TAFA4: variants seen among roughly 807,000 people sequenced by gnomAD.
TAFA4 encodes chemokine-like protein TAFA-4.
TAFA4 carries 20 observed loss-of-function variants against 21.1 expected under a neutral mutation model. The observed-to-expected ratio is 0.95, with a 90% CI of 0.67 to 1.38. The LOEUF is 1.38. TAFA4 is among the 40% of genes most tolerant of loss of function. The pLI is 0.00. For missense variants in TAFA4, 211 were observed against 180.9 expected, an observed-to-expected ratio of 1.17 and a Z score of -0.95; for synonymous variants, 71 against 67.4, an observed-to-expected ratio of 1.05 and a Z score of -0.26.
At chr3:68,928,863 T>C (rs796941017) in intron 1 of TAFA4, among the ~76,000 whole-genome samples, 5 of 152,106 alleles carry the variant, frequency 3.3e-5, no homozygotes, top group African/African-American at 9.6e-5. Context: ...AATAACATAA[T>C]AGATCCAAGG....
intron 3 of TAFA4, among the ~76,000 whole-genome samples, chr3:68,772,917 T>C (rs942063004): frequency 6.6e-6 from 1 of 152,234 alleles, no homozygotes; most frequent in African/African-American, 2.4e-5. Flanking sequence ...GAACTCTGAA[T>C]AACACTGCAT....
At chr3:68,740,887 C>CTTTATTGAAGAGACTATCCTTT (rs1702336069) in intron 4 of TAFA4, among the ~76,000 whole-genome samples, 1 of 152,186 alleles carries the variant, frequency 6.6e-6, no homozygotes, top group South Asian at 2.1e-4. Context: ...TCCCAGCACC[C>CTTTATTGAAGAGACTATCCTTT]TTTATTGAAG....
intron 1 of TAFA4, chr3:68,916,063 A>G (rs2090001958): frequency 6.6e-6 from 1 of 152,220 alleles, no homozygotes; most frequent in African/African-American, 2.4e-5. Flanking sequence ...TAGGGTAAAT[A>G]CCTTACAATT....
chr3:68,815,252 G>A (rs1197123719), intron 3 of TAFA4, among the ~76,000 whole-genome samples: 1 of 152,126 alleles, frequency 6.6e-6, no homozygotes, highest in African/African-American at 2.4e-5. Context: ...ACATAGGCAT[G>A]GGCAAGGACT....
intron 3 of TAFA4, among the ~76,000 whole-genome samples, chr3:68,827,901 C>T (rs1172576079): frequency 6.6e-6 from 1 of 152,180 alleles, no homozygotes; most frequent in Non-Finnish European, 1.5e-5. Context: ...TCCCATTTGT[C>T]AAGTTTGGCT....
intron 3 of TAFA4, among the ~76,000 whole-genome samples, chr3:68,764,924 C>T (rs1048731431): frequency 6.6e-6 from 1 of 152,144 alleles, no homozygotes; most frequent in South Asian, 2.1e-4. Flanking sequence ...CTGACATCCT[C>T]CCTCTACCCT....
chr3:68,741,326 T>A (rs929885932), intron 4 of TAFA4, among the ~76,000 whole-genome samples: 14 of 152,220 alleles, frequency 9.2e-5, no homozygotes, highest in African/African-American at 2.7e-4. Context: ...GTACTGATTT[T>A]TTTACCTCCT....
At chr3:68,932,196 A>AC (rs1368691151) in intron 1 of TAFA4, 44 bp downstream of exon 1, 1 of 144,806 alleles carries the variant, frequency 6.9e-6, no homozygotes, top group African/African-American at 2.6e-5. Context: ...ATCCACCCCC[A>AC]CCCCATCCTC....
intron 1 of TAFA4, among the ~76,000 whole-genome samples, chr3:68,929,383 GCCTCAATCCCCCAC>G (rs1402014551): frequency 6.6e-6 from 1 of 152,126 alleles, no homozygotes; most frequent in Non-Finnish European, 1.5e-5. Flanking sequence ...GTTTCCTATG[GCCTCAATCCCCCAC>G]CCTCAATCCT....
chr3:68,832,299 C>A (rs1704417281), intron 3 of TAFA4, among the ~76,000 whole-genome samples: 1 of 152,208 alleles, frequency 6.6e-6, no homozygotes, highest in Non-Finnish European at 1.5e-5. Flanking sequence ...GCTCTGGTTT[C>A]TCCCCATCTT....
intron 3 of TAFA4, among the ~76,000 whole-genome samples, chr3:68,821,736 A>G (rs541788453): frequency 1.2e-4 from 19 of 152,248 alleles, no homozygotes; most frequent in Non-Finnish European, 2.2e-4. Context: ...ACCTTGCCAT[A>G]AAGAGTGAAG....
At chr3:68,801,871 G>C (rs1040171192) in intron 3 of TAFA4, among the ~76,000 whole-genome samples, 8 of 151,912 alleles carry the variant, frequency 5.3e-5, no homozygotes, top group African/African-American at 1.9e-4. Flanking sequence ...TTTATAGGTG[G>C]AAAAAAATCC....
chr3:68,753,676 C>T (rs1702606207), intron 3 of TAFA4, among the ~76,000 whole-genome samples: 1 of 152,062 alleles, frequency 6.6e-6, no homozygotes, highest in Admixed American at 6.5e-5. Flanking sequence ...CCTGGATTAT[C>T]CAGGTCAGGC....
intron 3 of TAFA4, among the ~76,000 whole-genome samples, chr3:68,844,154 T>C (rs959408896): frequency 1.3e-5 from 2 of 152,186 alleles, no homozygotes; most frequent in Non-Finnish European, 2.9e-5. Context: ...TCCTGAGCTT[T>C]TTTTGGTTGG....
At chr3:68,792,180 T>A (rs565354151) in intron 3 of TAFA4, among the ~76,000 whole-genome samples, 7 of 152,212 alleles carry the variant, frequency 4.6e-5, no homozygotes, top group African/African-American at 1.7e-4. Flanking sequence ...ACTAATACCA[T>A]ATTATTAAGT....
chr3:68,882,587 G>T (rs898964098), intron 2 of TAFA4, among the ~76,000 whole-genome samples: 17 of 152,166 alleles, frequency 1.1e-4, no homozygotes, highest in Non-Finnish European at 1.8e-4. Flanking sequence ...AGAGGAATAA[G>T]CCTTTGTAAC....
chr3:68,798,629 T>C (rs1703505604), intron 3 of TAFA4, among the ~76,000 whole-genome samples: 1 of 152,226 alleles, frequency 6.6e-6, no homozygotes, highest in African/African-American at 2.4e-5. Flanking sequence ...GTTGTTTAGA[T>C]TCATATAAAT....
chr3:68,833,786 T>C (rs1431930455), intron 3 of TAFA4, among the ~76,000 whole-genome samples: 3 of 152,172 alleles, frequency 2.0e-5, no homozygotes, highest in African/African-American at 7.2e-5. Context: ...ATCACCCCTT[T>C]CAGTTTATTG....
intron 3 of TAFA4, among the ~76,000 whole-genome samples, chr3:68,813,763 C>T (rs527998812): frequency 6.6e-6 from 1 of 152,128 alleles, no homozygotes; most frequent in African/African-American, 2.4e-5. Context: ...ACCATTCCTT[C>T]TGAAACTATT....
Sources: gnomAD v4.1 joint callset for allele counts (sites outside exome capture counted in the v4.1 genomes callset) on GRCh38, gnomAD v4.1.1 for gene constraint, MANE v1.5 for transcripts, NCBI Gene and HGNC (gene_info 2026-07-23, HGNC 2026-07-21) for gene names.